Variants in MME observed in about 807,000 individuals in gnomAD.
MME encodes the protein membrane metalloendopeptidase, also known as neprilysin.
Under a neutral mutation model 113.2 loss-of-function variants are expected in MME, and 98 were observed. That is an observed-to-expected ratio of 0.87 (90% CI 0.74 to 1.02). The LOEUF is 1.02. MME is among the 50% of genes least tolerant of loss of function. MME has a pLI of 0.00. For synonymous variants in MME, 292 were observed against 300.6 expected, an observed-to-expected ratio of 0.97 and a Z score of 0.30; for missense variants, 836 against 896.0, an observed-to-expected ratio of 0.93 and a Z score of 0.86.
chr3:155,037,643 G>C (rs532756535), intron 1 of MME, among the ~76,000 whole-genome samples: 25 of 152,302 alleles, frequency 1.6e-4, no homozygotes, highest in African/African-American at 6.0e-4. Flanking sequence ...AGGCTGTAAA[G>C]AAGCAATGAG....
At chr3:155,171,031 T>C (rs150309781) in intron 20 of MME, among the ~76,000 whole-genome samples, 93 of 152,266 alleles carry the variant, frequency 6.1e-4, no homozygotes, top group African/African-American at 2.0e-3. Flanking sequence ...GTGGAAGGCA[T>C]TGGCACTCAA....
intron 8 of MME, among the ~76,000 whole-genome samples, chr3:155,135,543 T>G (rs761339886): frequency 6.6e-6 from 1 of 152,210 alleles, no homozygotes; most frequent in Non-Finnish European, 1.5e-5. Context: ...TGCAGCATTA[T>G]AGTATAATTT....
chr3:155,079,355 GC>G (rs1714909568), upstream of MME, among the ~76,000 whole-genome samples: 1 of 152,066 alleles, frequency 6.6e-6, no homozygotes, highest in South Asian at 2.1e-4. Context: ...GAGAGATGGA[GC>G]CCCCTCAGGA....
chr3:155,042,938 ATG>A (rs1553749750), intron 1 of MME, among the ~76,000 whole-genome samples: 2,647 of 64,204 alleles, frequency 0.041, 43 homozygotes, highest in African/African-American at 0.094. Context: ...ATATATATAT[ATG>A]TATATATATA....
chr3:155,037,591 A>G (rs984070042), intron 1 of MME, among the ~76,000 whole-genome samples: 1 of 152,170 alleles, frequency 6.6e-6, no homozygotes, highest in Non-Finnish European at 1.5e-5. Context: ...AGGGGAACTC[A>G]ATTGTTTAGG....
intron 1 of MME, among the ~76,000 whole-genome samples, chr3:155,068,430 A>G (rs74560842): frequency 0.031 from 4,662 of 152,306 alleles, 104 homozygotes; most frequent in Non-Finnish European, 0.048. Context: ...ACACTTAAAT[A>G]TGTGCAGTTT....
chr3:155,073,870 A>C (rs1714660868), intron 1 of MME, among the ~76,000 whole-genome samples: 1 of 152,066 alleles, frequency 6.6e-6, no homozygotes, highest in African/African-American at 2.4e-5. Flanking sequence ...AAACGCAATT[A>C]ATTTTTTAAT....
intron 16 of MME, among the ~76,000 whole-genome samples, chr3:155,149,594 TG>T (rs1366047633): frequency 6.6e-6 from 1 of 152,030 alleles, no homozygotes; most frequent in Non-Finnish European, 1.5e-5. Flanking sequence ...AGGTGAACTT[TG>T]ATTACATTAC....
At chr3:155,172,484 A>C in intron 21 of MME, 52 bp from the exon 22 acceptor site, 1 of 1,394,826 alleles carries the variant, frequency 7.2e-7, no homozygotes, top group Non-Finnish European at 1.0e-6. Context: ...CAAACAAATA[A>C]TCCTTGATTG....
chr3:155,169,327 A>G (rs1034332348), intron 20 of MME, among the ~76,000 whole-genome samples: 24 of 152,150 alleles, frequency 1.6e-4, no homozygotes, highest in African/African-American at 5.6e-4. Context: ...CAACCACACT[A>G]TTATACACAG....
intron 16 of MME, among the ~76,000 whole-genome samples, chr3:155,155,154 T>A (rs1414068006): frequency 6.6e-6 from 1 of 152,216 alleles, no homozygotes; most frequent in East Asian, 1.9e-4. Context: ...TGAGGGATTC[T>A]GTTTTGTTTC....
At chr3:155,025,575 G>C (rs1712751358) in intron 1 of MME, among the ~76,000 whole-genome samples, 1 of 145,128 alleles carries the variant, frequency 6.9e-6, no homozygotes, top group Non-Finnish European at 1.5e-5. Flanking sequence ...GGTGAGCCGA[G>C]ATAGTGCCAT....
At chr3:155,134,819 A>T (rs1720494367) in intron 8 of MME, among the ~76,000 whole-genome samples, 1 of 152,090 alleles carries the variant, frequency 6.6e-6, no homozygotes, top group Non-Finnish European at 1.5e-5. Context: ...GACTTTTGAT[A>T]ATAGCCATTC....
chr3:155,104,524 C>A (rs1717531369), intron 3 of MME, among the ~76,000 whole-genome samples: 1 of 152,162 alleles, frequency 6.6e-6, no homozygotes, highest in Non-Finnish European at 1.5e-5. Flanking sequence ...CTTTTTGTAC[C>A]ACTCCCTAAC....
chr3:155,028,226 G>C (rs927619128), intron 1 of MME, among the ~76,000 whole-genome samples: 1 of 152,146 alleles, frequency 6.6e-6, no homozygotes, highest in Non-Finnish European at 1.5e-5. Flanking sequence ...CAAGTAAACA[G>C]ACAAATAAGT....
At chr3:155,136,969 G>C (rs1720683717) in intron 8 of MME, among the ~76,000 whole-genome samples, 1 of 152,044 alleles carries the variant, frequency 6.6e-6, no homozygotes, top group African/African-American at 2.4e-5. Flanking sequence ...TTGCTAATAG[G>C]TAATAATGGC....
At chr3:155,029,872 T>C (rs1359562375) in intron 1 of MME, among the ~76,000 whole-genome samples, 2 of 152,186 alleles carry the variant, frequency 1.3e-5, no homozygotes, top group Non-Finnish European at 2.9e-5. Context: ...CACATTTTGA[T>C]AGTGAAATAT....
intron 1 of MME, among the ~76,000 whole-genome samples, chr3:155,046,027 C>G (rs1381244550): frequency 6.6e-6 from 1 of 152,084 alleles, no homozygotes; most frequent in East Asian, 1.9e-4. Context: ...TGTCTTTCAC[C>G]AAATTTGGGG....
At chr3:155,107,851 T>G (rs1474046526) in intron 3 of MME, among the ~76,000 whole-genome samples, 1 of 152,218 alleles carries the variant, frequency 6.6e-6, no homozygotes, top group Non-Finnish European at 1.5e-5. Context: ...TTTTTGTGCT[T>G]TTTAATGATG....
Sources: allele counts gnomAD v4.1 joint callset (sites outside exome capture counted in the v4.1 genomes callset), GRCh38; gene constraint gnomAD v4.1.1; transcripts MANE v1.5; gene names NCBI Gene and HGNC (gene_info 2026-07-23, HGNC 2026-07-21).